SFMBT1: variants seen among roughly 807,000 people sequenced by gnomAD.
SFMBT1 encodes the protein scm-like with four MBT domains protein 1.
In SFMBT1, 32 loss-of-function variants were observed where a neutral mutation model predicts 108.7. The observed-to-expected ratio is 0.29, with a 90% CI of 0.22 to 0.40. SFMBT1 has a LOEUF of 0.40. Ranked by LOEUF, SFMBT1 falls within the 10% of genes least tolerant of loss-of-function variation. SFMBT1 has a pLI of 1.00. For synonymous variants in SFMBT1, 348 were observed against 369.5 expected (o/e 0.94, Z 0.67); for missense variants, 816 against 1,059.6 (o/e 0.77, Z 3.19).
intron 1 of SFMBT1, among the ~76,000 whole-genome samples, chr3:53,013,358 A>C (rs984825694): frequency 3.3e-5 from 5 of 151,678 alleles, no homozygotes; most frequent in Non-Finnish European, 7.3e-5. Flanking sequence ...TAGAATTGCC[A>C]AAGAATATTA....
At chr3:53,025,606 C>G in intron 1 of SFMBT1, among the ~76,000 whole-genome samples, 1 of 151,962 alleles carries the variant, frequency 6.6e-6, no homozygotes, top group South Asian at 2.1e-4. Context: ...ACAGAGTGAA[C>G]CCCGTCTTAA....
At chr3:53,030,433 G>T (rs1307904678) in intron 1 of SFMBT1, among the ~76,000 whole-genome samples, 1 of 152,078 alleles carries the variant, frequency 6.6e-6, no homozygotes, top group Non-Finnish European at 1.5e-5. Context: ...ATTTTACTAT[G>T]TATGTGTATC....
At chr3:52,926,869 C>A (rs1437263725) in intron 9 of SFMBT1, among the ~76,000 whole-genome samples, 1 of 152,126 alleles carries the variant, frequency 6.6e-6, no homozygotes, top group Non-Finnish European at 1.5e-5. Flanking sequence ...CTACTCAAGT[C>A]TATGCCCTCT....
intron 1 of SFMBT1, among the ~76,000 whole-genome samples, chr3:52,976,909 C>T (rs916066555): frequency 6.6e-6 from 1 of 152,128 alleles, no homozygotes; most frequent in East Asian, 1.9e-4. Flanking sequence ...AGATTAGTAA[C>T]ACTGAATATA....
chr3:52,981,529 A>ATTTTTTTTTTT (rs34406724), intron 1 of SFMBT1, among the ~76,000 whole-genome samples: 1 of 133,052 alleles, frequency 7.5e-6, no homozygotes, highest in East Asian at 2.3e-4. Flanking sequence ...TGCTCAGCTA[A>ATTTTTTTTTTT]TTTTTTTTTT....
At chr3:52,944,334 A>T (rs1047952790) in intron 3 of SFMBT1, among the ~76,000 whole-genome samples, 1 of 152,210 alleles carries the variant, frequency 6.6e-6, no homozygotes, top group African/African-American at 2.4e-5. Context: ...ATGGATTGGT[A>T]GGCAGATAGA....
At chr3:52,935,076 T>C (rs1372563981) in intron 4 of SFMBT1, among the ~76,000 whole-genome samples, 175 bp from the exon 5 acceptor site, 8 of 152,196 alleles carry the variant, frequency 5.3e-5, no homozygotes, top group Non-Finnish European at 1.2e-4. Flanking sequence ...CTTCTCTAGA[T>C]GGAGCTACTT....
intron 1 of SFMBT1, among the ~76,000 whole-genome samples, chr3:52,977,522 AAAAAG>A (rs1034726548): frequency 1.3e-5 from 2 of 152,140 alleles, no homozygotes; most frequent in African/African-American, 4.8e-5. Flanking sequence ...AAGGAAAAAG[AAAAAG>A]AAAAGAAAAA....
At chr3:52,980,315 A>C (rs562804377) in intron 1 of SFMBT1, among the ~76,000 whole-genome samples, 2 of 151,612 alleles carry the variant, frequency 1.3e-5, no homozygotes, top group Non-Finnish European at 2.9e-5. Flanking sequence ...CCTTGAGCTC[A>C]AGTGTTGCGA....
At chr3:53,024,408 T>C (rs1024032135) in intron 1 of SFMBT1, among the ~76,000 whole-genome samples, 8 of 152,228 alleles carry the variant, frequency 5.3e-5, no homozygotes, top group African/African-American at 1.9e-4. Flanking sequence ...CTCCTTGGCA[T>C]GTTCCTATGT....
At chr3:52,966,005 CAAAAAA>C (rs775989805) in intron 2 of SFMBT1, among the ~76,000 whole-genome samples, 25 of 55,042 alleles carry the variant, frequency 4.5e-4, no homozygotes, top group East Asian at 6.1e-4. Flanking sequence ...GACTCCGTTT[CAAAAAA>C]AAAAAAAAAA....
rs540020575 is a variant in SFMBT1 at position 52,996,351 on chromosome 3, T to C, written c.-130-27093A>G. Among the ~76,000 whole-genome samples, 16 of 148,154 alleles carry C rather than the reference T, an allele frequency of 1.1e-4. 1 individual carries two copies. The East Asian group carries it at 3.0e-3, about 28-fold the overall frequency. On this transcript the variant is annotated intron_variant, in intron 1 of 20. Coordinates refer to ENST00000394752, the MANE Select transcript of SFMBT1 (RefSeq NM_016329.4). ...CTCAGACCTGCCAAGTAGCTGGGAC[T>C]ACAGGCGCACGCCACCACACCCAGC...
chr3:53,023,229 T>C (rs1699373839), intron 1 of SFMBT1, among the ~76,000 whole-genome samples: 1 of 152,126 alleles, frequency 6.6e-6, no homozygotes, highest in East Asian at 1.9e-4. Context: ...TGGGACATGG[T>C]TGGGCCTAAA....
intron 1 of SFMBT1, among the ~76,000 whole-genome samples, chr3:53,004,771 T>C (rs1044292961): frequency 3.5e-5 from 5 of 143,612 alleles, no homozygotes; most frequent in East Asian, 2.0e-4. Context: ...CTGTGTAACA[T>C]AGGGCCTCCA....
Position 53,045,950 on chromosome 3 carries a change from C to A in SFMBT1, c.-265G>T, listed in dbSNP as rs1427498670. ...TCCTCCCGTGCTGCCCGCGCTCGCC[C>A]GCTCGCGCCCTCCTTCCTGCTGGGT... is the stretch of plus-strand genomic sequence containing the variant. On this transcript the variant is annotated 5_prime_UTR_variant, in exon 1 of 21. Coordinates refer to ENST00000394752, the MANE Select transcript of SFMBT1 (RefSeq NM_016329.4). 2 of 151,406 alleles carry A rather than the reference C, an allele frequency of 1.3e-5. No individual in the cohort carries two copies. The highest frequency in any genetic ancestry group is 4.8e-5 in the African/African-American group (2 of 41,318). The allele number at this position is 151,406 out of a possible 1,614,324, so 9.4% of individuals were successfully genotyped here. A position where few individuals can be genotyped will look rare whatever the true frequency, so the allele number is the denominator to read the frequency against.
Position 52,913,609 on chromosome 3 carries a change from T to G in SFMBT1, c.1489A>C (p.Asn497His). The change falls in exon 15 of 21, where the codon AAT becomes CAT. Residue 497 changes from asparagine to histidine, a missense_variant. By Grantham distance (68) the Asn-to-His change is moderately conservative. Transcript: ENST00000394752. ...ELNSTESVMI[N>H]GKYCCPKIYF... ...ATCTTTGGACAGCAATATTTTCCAT[T>G]AATCATAACTGGGAAATGAAGAAAA... 6.2e-7 allele frequency: 1 copy of G among 1,613,478 alleles called. No homozygotes were observed. The highest frequency in any genetic ancestry group is 8.5e-7 in the Non-Finnish European group (1 of 1,179,826).
At chr3:53,034,832 G>C (rs1375612585) in intron 1 of SFMBT1, among the ~76,000 whole-genome samples, 1 of 151,988 alleles carries the variant, frequency 6.6e-6, no homozygotes, top group Admixed American at 6.6e-5. Context: ...CCAGCTACTT[G>C]GGAGGCTGAG....
chr3:52,953,913 C>T (rs576382005), intron 3 of SFMBT1, among the ~76,000 whole-genome samples: 55 of 151,948 alleles, frequency 3.6e-4, no homozygotes, highest in African/African-American at 1.2e-3. Context: ...GAGGATCACG[C>T]GGTCAGGAGA....
At chr3:52,923,049 C>G (rs1702563477) in intron 10 of SFMBT1, among the ~76,000 whole-genome samples, 1 of 152,178 alleles carries the variant, frequency 6.6e-6, no homozygotes, top group Non-Finnish European at 1.5e-5. Context: ...TCTACCTGCT[C>G]AGAGCTTTCA....
Sources: allele counts gnomAD v4.1 joint callset (sites outside exome capture counted in the v4.1 genomes callset), GRCh38; gene constraint gnomAD v4.1.1; transcripts MANE v1.5; gene names NCBI Gene and HGNC (gene_info 2026-07-23, HGNC 2026-07-21).